The following PCK1 variants were observed in gnomAD, a reference collection of about 807,000 sequenced individuals.
PCK1 encodes phosphoenolpyruvate carboxykinase, cytosolic [GTP].
In PCK1, 44 loss-of-function variants were observed where a neutral mutation model predicts 50.3. That is an observed-to-expected ratio of 0.87 (90% CI 0.69 to 1.12). The LOEUF (loss-of-function observed/expected upper bound fraction) is 1.12, where lower values mean the gene tolerates loss of function less well. Ranked by LOEUF, PCK1 falls within the 50% of genes most tolerant of loss-of-function variation. The probability of loss-of-function intolerance (pLI) is 0.00; values close to 1 mark genes in which losing one functional copy is unlikely to be tolerated. For synonymous variants in PCK1, 332 were observed against 314.3 expected (o/e 1.06, Z -0.59); for missense variants, 790 against 815.0 (o/e 0.97, Z 0.37).
Position 57,566,562 on chromosome 20 carries a change from A to G in PCK1, c.*758A>G, listed in dbSNP as rs1466675874. On this transcript the variant is annotated 3_prime_UTR_variant, in exon 10 of 10. Transcript: ENST00000319441. The stretch of plus-strand genomic sequence containing the variant: ...CTGCCCCCTCCCCAAGAAGGTGGGG[A>G]CGTTCAGAATCACACTTGAAGAGGG... 2.6e-5 allele frequency: 4 copies of G among 152,190 alleles called. No individual in the cohort carries two copies. Among genetic ancestry groups the G allele is most frequent in the Non-Finnish European group, 4.4e-5 (3 of 68,038 alleles). 9.4% of individuals were successfully genotyped at this position (152,190 alleles called of 1,614,324 possible).
chr20:57,561,261 C>T, intron 1 of PCK1, 58 bp downstream of exon 1: 1 of 585,104 alleles, frequency 1.7e-6, no homozygotes, highest in Non-Finnish European at 3.0e-6. Flanking sequence ...TCATTTTTTT[C>T]CTGAGAGCAA....
chr20:57,562,017 A>T (rs2070148932), intron 2 of PCK1, 54 bp from the exon 3 acceptor site: 1 of 1,489,786 alleles, frequency 6.7e-7, no homozygotes, highest in Admixed American at 1.7e-5. Context: ...GTACTGAAGG[A>T]GATGGTTCGC....
chr20:57,564,223 C>T lies in PCK1; in HGVS notation c.1016C>T (p.Thr339Ile), dbSNP rs750062061. The T allele has an allele frequency of 3.1e-6, 5 of 1,613,944 alleles. No homozygotes were observed. Among genetic ancestry groups the T allele is most frequent in the Non-Finnish European group, 4.2e-6 (5 of 1,180,008 alleles). Residue 339 changes from threonine to isoleucine, a missense_variant, in exon 7 of 10, where the codon ACT becomes ATT. Transcript: ENST00000319441. ...ENGFFGVAPG[T>I]SVKTNPNAIK... ...GGCTTTTTCGGTGTCGCTCCTGGGA[C>T]TTCAGTGAAGACCAACCCCAATGCC...
intron 5 of PCK1, 43 bp downstream of exon 5, chr20:57,563,258 G>C (rs752901449): frequency 1.9e-6 from 3 of 1,574,652 alleles, no homozygotes; most frequent in Non-Finnish European, 8.7e-7. Context: ...AGAGGCCTGG[G>C]GGGTGGCAGA....
At position 57,566,806 on chromosome 20, in the gene PCK1, A is replaced by C. The variant is rs1313174039; in HGVS notation, c.*1002A>C. The stretch of plus-strand genomic sequence containing the variant: ...TGGAGGGGTCTCAGGCTTCCACAAA[A>C]ATTACATTGTGGACAGTTTCATAGG... On this transcript the variant is annotated 3_prime_UTR_variant, in exon 10 of 10. Transcript: ENST00000319441. The C allele has an allele frequency of 1.3e-5, 2 of 152,184 alleles. No individual in the cohort carries two copies. The highest frequency in any genetic ancestry group is 4.8e-5 in the African/African-American group (2 of 41,446). 9.4% of individuals were successfully genotyped at this position (152,184 alleles called of 1,614,324 possible).
At position 57,561,513 on chromosome 20, in the gene PCK1, C is replaced by G. The variant is rs200771350; in HGVS notation, c.102C>G (p.Asn34Lys). ...PQAVREFLEN[N>K]AELCQPDHIH... ...CAGTGAGGGAGTTTCTCGAGAATAA[C>G]GCTGAGCTGTGTCAGCCTGATCACA... The change falls in exon 2 of 10, where the codon AAC becomes AAG. Residue 34 changes from asparagine (N) to lysine (K), a missense_variant. Asn to Lys is a moderately conservative substitution (Grantham distance 94). Coordinates refer to ENST00000319441, the MANE Select transcript of PCK1 (RefSeq NM_002591.4). 1.2e-6 allele frequency: 2 copies of G among 1,613,664 alleles called. No individual in the cohort carries two copies. Among genetic ancestry groups the G allele is most frequent in the Non-Finnish European group, 1.7e-6 (2 of 1,179,648 alleles).
rs1448223224 is a variant in PCK1 at position 57,566,246 on chromosome 20, G to A, written c.*442G>A. ...GTGGTATATTTGTGTATGTGTATTT[G>A]TATGTACTGTTATTGAAAATATATT... On this transcript the variant is annotated 3_prime_UTR_variant, in exon 10 of 10. Transcript: ENST00000319441. 1 of 154,794 alleles carries A rather than the reference G, an allele frequency of 6.5e-6. No homozygotes were observed. Among genetic ancestry groups the A allele is most frequent in the Non-Finnish European group, 1.4e-5 (1 of 70,438 alleles). 9.6% of individuals were successfully genotyped at this position (154,794 alleles called of 1,614,324 possible).
chr20:57,565,579 C>G lies in PCK1; in HGVS notation c.1644C>G (p.Ala548=), dbSNP rs183812420. The G allele has an allele frequency of 2.2e-5, 36 of 1,614,156 alleles. No homozygotes were observed. Among genetic ancestry groups the G allele is most frequent in the Admixed American group, 8.3e-5 (5 of 60,034 alleles). The part of the protein sequence containing the change: ...EWMFNRIDGK[A]STKLTPIGYI... ...TGTTCAACCGGATCGATGGAAAAGC[C>G]AGCACCAAGCTCACGCCCATAGGCT... Residue 548 remains alanine (A), a synonymous_variant, in exon 10 of 10, where the codon GCC becomes GCG. Transcript: ENST00000319441.
At chr20:57,562,332 C>G in intron 3 of PCK1, 80 bp downstream of exon 3, 2 of 1,248,174 alleles carry the variant, frequency 1.6e-6, no homozygotes, top group Non-Finnish European at 2.3e-6. Flanking sequence ...GTAATTCAAA[C>G]AATAATGGAA....
Position 57,562,089 on chromosome 20 carries a change from C to T in PCK1, c.243C>T (p.Asp81=), listed in dbSNP as rs149354858. ...KYDNCWLALT[D]PRDVARIESK... is the part of the protein sequence containing the mutation. ...TTTGCAGCTGGTTGGCTCTCACTGA[C>T]CCCAGGGATGTGGCCAGGATCGAAA... Residue 81 remains aspartate, a synonymous_variant, in exon 3 of 10, where the codon GAC becomes GAT. Transcript: ENST00000319441. 1.1e-5 allele frequency: 17 copies of T among 1,613,962 alleles called. No homozygotes were observed. Among genetic ancestry groups the T allele is most frequent in the Non-Finnish European group, 1.4e-5 (17 of 1,179,964 alleles).
At position 57,562,574 on chromosome 20, in the gene PCK1, C is replaced by G. The variant is rs530617959; in HGVS notation, c.407-122C>G. On this transcript the variant is annotated intron_variant, in intron 3 of 9. Transcript: ENST00000319441. ...CTCTTCTAACCCAGGGGGCTGGTGA[C>G]CAGCAGGGTGTGGTGGTGTTAGTGG... is the stretch of plus-strand genomic sequence containing the variant. The G allele has an allele frequency of 2.1e-4, 166 of 785,230 alleles. No individual in the cohort carries two copies. In the African/African-American group the frequency reaches 2.6e-3, roughly 12 times the overall value. 48.6% of individuals were successfully genotyped at this position (785,230 alleles called of 1,614,324 possible).
At chr20:57,561,305 G>A in intron 1 of PCK1, 67 bp from the exon 2 acceptor site, 1 of 708,778 alleles carries the variant, frequency 1.4e-6, no homozygotes, top group East Asian at 2.5e-5. Flanking sequence ...CTGGCAAAAG[G>A]CCGTCGAATG....
At chr20:57,563,945 A>G (rs913734575) in intron 6 of PCK1, 1 of 613,434 alleles carries the variant, frequency 1.6e-6, no homozygotes, top group Non-Finnish European at 2.9e-6. Context: ...GTTTACATAC[A>G]TACATTTGTT....
In PCK1 at chr20:57,564,225, T is replaced by C; in HGVS notation, c.1018T>C (p.Ser340Pro). 1.2e-6 allele frequency: 2 copies of C among 1,614,056 alleles called. No individual in the cohort carries two copies. The highest frequency in any genetic ancestry group is 1.7e-6 in the Non-Finnish European group (2 of 1,179,998). The change falls in exon 7 of 10, where the codon TCA (serine) becomes CCA (proline). Residue 340 changes from serine (S) to proline (P), a missense_variant. Transcript: ENST00000319441. ...NGFFGVAPGTSVKTNPNAIKT... is the reference protein window; with the variant it reads ...NGFFGVAPGTPVKTNPNAIKT... ...CTTTTTCGGTGTCGCTCCTGGGACTTCAGTGAAGACCAACCCCAATGCCAT... is the reference window on the plus strand; with the variant it reads ...CTTTTTCGGTGTCGCTCCTGGGACTCCAGTGAAGACCAACCCCAATGCCAT...
At chr20:57,564,976 C>A in intron 8 of PCK1, 64 bp from the exon 9 acceptor site, 1 of 1,173,238 alleles carries the variant, frequency 8.5e-7, no homozygotes, top group Non-Finnish European at 1.3e-6. Flanking sequence ...AATAACACCA[C>A]TGGTTGTGGA....
At chr20:57,561,905 T>G in intron 2 of PCK1, 166 bp from the exon 3 acceptor site, 1 of 629,710 alleles carries the variant, frequency 1.6e-6, no homozygotes, top group South Asian at 2.0e-5. Context: ...CAGGTCCTAG[T>G]GGAGTAAATG....
rs780659077 is a variant in PCK1, at chr20:57,561,409, G to T, written c.-3G>T. 3 of 1,607,866 alleles carry T rather than the reference G, an allele frequency of 1.9e-6. No individual in the cohort carries two copies. Among genetic ancestry groups the T allele is most frequent in the African/African-American group, 2.7e-5 (2 of 74,846 alleles). ...TCGTGCCCCTTAGCAGCACTCTGCA[G>T]AAATGCCTCCTCAGCTGCAAAACGG... On this transcript the variant is annotated 5_prime_UTR_variant, in exon 2 of 10. Transcript: ENST00000319441.
At position 57,562,748 on chromosome 20, in the gene PCK1, G is replaced by C; in HGVS notation, c.459G>C (p.Leu153=). 6.2e-7 allele frequency: 1 copy of C among 1,614,082 alleles called. No individual in the cohort carries two copies. The highest frequency in any genetic ancestry group is 8.5e-7 in the Non-Finnish European group (1 of 1,179,982). Residue 153 remains leucine (L), a synonymous_variant, in exon 4 of 10, where the codon CTG becomes CTC. Transcript: ENST00000319441. ...GCATGGGGCCGCTGGGCTCGCCTCT[G>C]TCAAAGATCGGCATCGAGCTGACGG... The part of the protein sequence containing the change: ...PFSMGPLGSP[L]SKIGIELTDS...
chr20:57,562,623 T>C, intron 3 of PCK1, 73 bp from the exon 4 acceptor site: 1 of 1,328,804 alleles, frequency 7.5e-7, no homozygotes, highest in Non-Finnish European at 1.1e-6. Context: ...TGGGTCTACC[T>C]GGGAAAAAAA....
Sources: gnomAD v4.1 joint callset for allele counts on GRCh38, gnomAD v4.1.1 for gene constraint, MANE v1.5 for transcripts, NCBI Gene and HGNC (gene_info 2026-07-23, HGNC 2026-07-21) for gene names.